ARB2A: variants seen among roughly 807,000 people sequenced by gnomAD.
ARB2A encodes the protein cotranscriptional regulator ARB2A.
At chr5:93,762,542 G>A in the ARB2A span, among the ~76,000 whole-genome samples, 3 of 152,202 alleles carry the variant, frequency 2.0e-5, no homozygotes, top group Non-Finnish European at 4.4e-5. Flanking sequence ...CAAGAAATAT[G>A]GGACTATGTG....
chr5:93,883,928 C>CACAT, the ARB2A span, among the ~76,000 whole-genome samples: 1 of 96,458 alleles, frequency 1.0e-5, no homozygotes, highest in Non-Finnish European at 2.3e-5. Context: ...TACACATACA[C>CACAT]ACACACACAC....
the ARB2A span, among the ~76,000 whole-genome samples, chr5:93,951,315 G>A: frequency 1.3e-5 from 2 of 152,054 alleles, no homozygotes; most frequent in East Asian, 3.8e-4. Context: ...TTTGTTGCAC[G>A]GGAACTTTTT....
At chr5:93,857,496 C>T in the ARB2A span, among the ~76,000 whole-genome samples, 3 of 152,168 alleles carry the variant, frequency 2.0e-5, no homozygotes, top group Non-Finnish European at 2.9e-5. Flanking sequence ...ATGGTGGGCG[C>T]CCCTCCCCGA....
the ARB2A span, among the ~76,000 whole-genome samples, chr5:93,668,922 T>C: frequency 1.3e-5 from 2 of 152,178 alleles, no homozygotes; most frequent in African/African-American, 2.4e-5. Flanking sequence ...CGATCTGCCA[T>C]GGGGAAAACT....
chr5:93,859,838 C>A, the ARB2A span, among the ~76,000 whole-genome samples: 1 of 152,148 alleles, frequency 6.6e-6, no homozygotes, highest in Non-Finnish European at 1.5e-5. Context: ...TGTGAAACAA[C>A]AGGAATAGCC....
the ARB2A span, among the ~76,000 whole-genome samples, chr5:93,853,542 C>G: frequency 1.4e-4 from 22 of 152,242 alleles, no homozygotes; most frequent in Admixed American, 5.2e-4. Flanking sequence ...TGCCAGTTTT[C>G]CAAGGGAATG....
At chr5:93,664,832 CT>C in the ARB2A span, among the ~76,000 whole-genome samples, 3 of 151,780 alleles carry the variant, frequency 2.0e-5, no homozygotes, top group African/African-American at 7.3e-5. Flanking sequence ...TAATGCATTT[CT>C]TTTTTTCCTT....
chr5:93,764,213 GTAAA>G, the ARB2A span, among the ~76,000 whole-genome samples: 3 of 152,102 alleles, frequency 2.0e-5, no homozygotes, highest in Non-Finnish European at 4.4e-5. Flanking sequence ...CAGAACTGAA[GTAAA>G]TAGAGACACA....
chr5:94,013,352 A>T, the ARB2A span, among the ~76,000 whole-genome samples: 2 of 151,734 alleles, frequency 1.3e-5, no homozygotes, highest in East Asian at 3.9e-4. Context: ...TAATTTTTGT[A>T]ATTTTAGTAG....
the ARB2A span, among the ~76,000 whole-genome samples, chr5:93,913,345 A>G: frequency 2.0e-5 from 3 of 151,958 alleles, no homozygotes; most frequent in Non-Finnish European, 4.4e-5. Context: ...ATCAGCATCA[A>G]GGACAGGGAG....
chr5:93,756,415 A>G, the ARB2A span, among the ~76,000 whole-genome samples: 3 of 152,204 alleles, frequency 2.0e-5, no homozygotes, highest in Admixed American at 6.5e-5. Context: ...GCAGGAGGCC[A>G]ACCAGCACAA....
chr5:94,076,466 T>C, the ARB2A span, among the ~76,000 whole-genome samples: 6 of 152,220 alleles, frequency 3.9e-5, no homozygotes, highest in Non-Finnish European at 7.3e-5. Flanking sequence ...GGGGGTACTA[T>C]GGTGAGTAAA....
the ARB2A span, chr5:93,740,499 T>C: frequency 2.1e-6 from 3 of 1,439,246 alleles, no homozygotes; most frequent in Non-Finnish European, 2.8e-6. Context: ...AGCCCTCAAA[T>C]GAACCCTAGG....
At chr5:93,986,418 C>T in the ARB2A span, among the ~76,000 whole-genome samples, 1 of 150,732 alleles carries the variant, frequency 6.6e-6, no homozygotes, top group African/African-American at 2.4e-5. Flanking sequence ...GGCGCCTCTG[C>T]CCGGCTGCCC....
At chr5:93,919,572 T>A in the ARB2A span, among the ~76,000 whole-genome samples, 7 of 152,196 alleles carry the variant, frequency 4.6e-5, no homozygotes, top group African/African-American at 1.7e-4. Context: ...TGATTGGCAA[T>A]CATTTATAGC....
At chr5:93,983,427 G>A in the ARB2A span, among the ~76,000 whole-genome samples, 1 of 152,036 alleles carries the variant, frequency 6.6e-6, no homozygotes, top group Non-Finnish European at 1.5e-5. Context: ...GGCTAAATCT[G>A]GGATAATTTA....
chr5:93,993,525 A>G, the ARB2A span, among the ~76,000 whole-genome samples: 3 of 152,184 alleles, frequency 2.0e-5, no homozygotes, highest in African/African-American at 7.2e-5. Context: ...CACGTCATCC[A>G]CTATAAAATC....
the ARB2A span, among the ~76,000 whole-genome samples, chr5:94,054,114 C>G: frequency 1.3e-5 from 2 of 152,122 alleles, no homozygotes; most frequent in Non-Finnish European, 2.9e-5. Context: ...AAAGACAGTA[C>G]GAAGAGTGTG....
At chr5:93,850,081 T>C in the ARB2A span, among the ~76,000 whole-genome samples, 1 of 152,182 alleles carries the variant, frequency 6.6e-6, no homozygotes, top group African/African-American at 2.4e-5. Context: ...CAACATAATA[T>C]AGCTAATGGA....
Sources: gnomAD v4.1 joint callset for allele counts (sites outside exome capture counted in the v4.1 genomes callset) on GRCh38, gnomAD v4.1.1 for gene constraint, MANE v1.5 for transcripts, NCBI Gene and HGNC (gene_info 2026-07-23, HGNC 2026-07-21) for gene names.